The following REEP3 variants were observed in gnomAD, a reference collection of about 807,000 sequenced individuals.
REEP3 encodes receptor accessory protein 3, also known as receptor expression-enhancing protein 3.
REEP3 carries 20 observed loss-of-function variants against 41.3 expected under a neutral mutation model. That is an observed-to-expected ratio of 0.48 (90% confidence interval 0.34 to 0.70). The LOEUF is 0.70. Among genes scored for constraint, REEP3 ranks in the 30% least tolerant of loss-of-function variants. REEP3 has a pLI of 0.01. For missense variants in REEP3, 271 were observed against 308.8 expected (o/e 0.88, Z 0.92); for synonymous variants, 104 against 101.8 (o/e 1.02, Z -0.13).
At chr10:63,598,733 G>A (rs184534226) in intron 4 of REEP3, among the ~76,000 whole-genome samples, 110 of 148,226 alleles carry the variant, frequency 7.4e-4, no homozygotes, top group African/African-American at 2.1e-3. Context: ...GCAGTGAGCC[G>A]AGATTGCACA....
At chr10:63,612,126 C>T (rs1036382823) in intron 6 of REEP3, among the ~76,000 whole-genome samples, 5 of 151,930 alleles carry the variant, frequency 3.3e-5, no homozygotes, top group Non-Finnish European at 5.9e-5. Flanking sequence ...AAAGTAGTTC[C>T]TAATGTAGAC....
chr10:63,563,623 A>G (rs1955765859), intron 1 of REEP3, among the ~76,000 whole-genome samples: 1 of 152,188 alleles, frequency 6.6e-6, no homozygotes. Context: ...GAACAAAGGG[A>G]TGATTTGTTA....
chr10:63,540,872 C>A (rs1043398044), intron 1 of REEP3, among the ~76,000 whole-genome samples: 2 of 152,134 alleles, frequency 1.3e-5, no homozygotes, highest in African/African-American at 4.8e-5. Flanking sequence ...AGGCATACAC[C>A]ACCATGCCCA....
chr10:63,564,233 C>G (rs961228818), intron 1 of REEP3, among the ~76,000 whole-genome samples: 37 of 152,066 alleles, frequency 2.4e-4, no homozygotes, highest in African/African-American at 8.7e-4. Flanking sequence ...AAAAAATGGC[C>G]ATTGAAAACA....
At chr10:63,549,409 A>T (rs1955607471) in intron 1 of REEP3, among the ~76,000 whole-genome samples, 1 of 152,178 alleles carries the variant, frequency 6.6e-6, no homozygotes. Flanking sequence ...CTTTACAAAA[A>T]ATTTGAAAGT....
chr10:63,600,791 T>G (rs1342259496), intron 5 of REEP3, among the ~76,000 whole-genome samples: 2 of 152,156 alleles, frequency 1.3e-5, no homozygotes, highest in Admixed American at 1.3e-4. Flanking sequence ...TGACTCTAAG[T>G]GAAGTCATTG....
At chr10:63,525,698 CATGAATAGTTA>C (rs1955357090) in intron 1 of REEP3, among the ~76,000 whole-genome samples, 1 of 152,130 alleles carries the variant, frequency 6.6e-6, no homozygotes, top group African/African-American at 2.4e-5. Context: ...GGATTACAGG[CATGAATAGTTA>C]CCAATTTTTA....
chr10:63,557,245 C>G (rs1421288013), intron 1 of REEP3, among the ~76,000 whole-genome samples: 1 of 152,048 alleles, frequency 6.6e-6, no homozygotes, highest in Non-Finnish European at 1.5e-5. Context: ...GAAAGAAATG[C>G]ACACAGCACA....
intron 2 of REEP3, among the ~76,000 whole-genome samples, chr10:63,593,523 T>G (rs979053017): frequency 6.6e-6 from 1 of 152,318 alleles, no homozygotes; most frequent in South Asian, 2.1e-4. Context: ...TTAAATGAAT[T>G]AATTTATGTT....
At chr10:63,616,237 T>C (rs1956311427) in intron 6 of REEP3, among the ~76,000 whole-genome samples, 1 of 152,152 alleles carries the variant, frequency 6.6e-6, no homozygotes, top group Non-Finnish European at 1.5e-5. Flanking sequence ...TACAAGGCCT[T>C]CTCTCATAAC....
chr10:63,579,402 T>TA (rs1955929087), intron 2 of REEP3, among the ~76,000 whole-genome samples: 1 of 152,210 alleles, frequency 6.6e-6, no homozygotes, highest in South Asian at 2.1e-4. Context: ...TTTAGGAAAG[T>TA]AAGTATTAAA....
chr10:63,569,561 G>A (rs887628333), intron 2 of REEP3, among the ~76,000 whole-genome samples: 5 of 151,548 alleles, frequency 3.3e-5, no homozygotes, highest in African/African-American at 1.2e-4. Context: ...AATATTATCA[G>A]TAAGCACAGA....
chr10:63,607,665 C>T (rs974650448), intron 5 of REEP3, among the ~76,000 whole-genome samples: 30 of 152,274 alleles, frequency 2.0e-4, no homozygotes, highest in African/African-American at 5.8e-4. Context: ...ATTACATGCT[C>T]AATATCAGTA....
At chr10:63,546,212 C>T in intron 1 of REEP3, among the ~76,000 whole-genome samples, 1 of 152,156 alleles carries the variant, frequency 6.6e-6, no homozygotes, top group East Asian at 1.9e-4. Context: ...TTTAAAAGCT[C>T]TACTACAGAG....
At chr10:63,561,556 G>A (rs188381463) in intron 1 of REEP3, among the ~76,000 whole-genome samples, 1 of 152,336 alleles carries the variant, frequency 6.6e-6, no homozygotes, top group Admixed American at 6.5e-5. Context: ...CACCCCCAGA[G>A]GGGCTAGCCA....
At chr10:63,525,796 C>G (rs979110420) in intron 1 of REEP3, among the ~76,000 whole-genome samples, 3 of 152,178 alleles carry the variant, frequency 2.0e-5, no homozygotes, top group Non-Finnish European at 2.9e-5. Context: ...AAACATGACT[C>G]TCATAAGTTG....
chr10:63,562,837 T>C (rs1004686542), intron 1 of REEP3: 4 of 430,480 alleles, frequency 9.3e-6, no homozygotes, highest in African/African-American at 8.2e-5. Context: ...AATATATATG[T>C]GTTATGGGCT....
At chr10:63,545,680 G>GTTTTTTTT (rs55779021) in intron 1 of REEP3, among the ~76,000 whole-genome samples, 23 of 55,412 alleles carry the variant, frequency 4.2e-4, no homozygotes, top group East Asian at 2.3e-3. Context: ...GCCAACTTCT[G>GTTTTTTTT]TTTTTTTTTT....
chr10:63,555,156 TAA>T (rs924200554), intron 1 of REEP3, among the ~76,000 whole-genome samples: 3 of 152,152 alleles, frequency 2.0e-5, no homozygotes, highest in Non-Finnish European at 2.9e-5. Flanking sequence ...ATGAAAAACA[TAA>T]AGTCTTTCAA....
Sources: allele counts gnomAD v4.1 joint callset (sites outside exome capture counted in the v4.1 genomes callset), GRCh38; gene constraint gnomAD v4.1.1; transcripts MANE v1.5; gene names NCBI Gene and HGNC (gene_info 2026-07-23, HGNC 2026-07-21).